Variants in MCM10 observed in about 807,000 individuals in gnomAD.
MCM10 encodes protein MCM10 homolog.
In MCM10, 91 loss-of-function variants were observed where a neutral mutation model predicts 109.9. The observed-to-expected ratio is 0.83, with a 90% CI of 0.70 to 0.99. The LOEUF (loss-of-function observed/expected upper bound fraction) is 0.99, where lower values mean the gene tolerates loss of function less well. Among genes scored for constraint, MCM10 ranks in the 50% least tolerant of loss-of-function variants. The pLI, the probability that MCM10 is intolerant of heterozygous loss-of-function variation, is 0.00. For synonymous variants in MCM10, 380 were observed against 387.2 expected, an observed-to-expected ratio of 0.98 and a Z score of 0.22; for missense variants, 1,077 against 1,061.2, an observed-to-expected ratio of 1.01 and a Z score of -0.21.
chr10:13,163,942 AGCT>A (rs1371388265), intron 1 of MCM10, among the ~76,000 whole-genome samples, 183 bp from the exon 2 acceptor site: 2 of 152,170 alleles, frequency 1.3e-5, no homozygotes, highest in Non-Finnish European at 2.9e-5. Context: ...AGTAAAAGTG[AGCT>A]GCTACATCCA....
intron 11 of MCM10, among the ~76,000 whole-genome samples, 179 bp from the exon 12 acceptor site, chr10:13,192,076 C>G (rs892280603): frequency 3.9e-5 from 6 of 152,038 alleles, no homozygotes; most frequent in Non-Finnish European, 8.8e-5. Context: ...GTCGAGATAC[C>G]CTGCCATCCT....
At chr10:13,180,743 T>C (rs1335020560) in intron 7 of MCM10, 136 bp downstream of exon 7, 7 of 970,120 alleles carry the variant, frequency 7.2e-6, no homozygotes, top group Non-Finnish European at 1.1e-5. Flanking sequence ...TCACCACACA[T>C]CATTGAGTTG....
intron 8 of MCM10, among the ~76,000 whole-genome samples, chr10:13,183,555 A>G (rs1834236596): frequency 6.6e-6 from 1 of 152,168 alleles, no homozygotes; most frequent in Admixed American, 6.5e-5. Flanking sequence ...TTCATTCATT[A>G]CCCATCAGTA....
intron 17 of MCM10, 145 bp from the exon 18 acceptor site, chr10:13,204,074 G>A: frequency 2.5e-6 from 2 of 806,724 alleles, no homozygotes; most frequent in East Asian, 2.7e-5. Flanking sequence ...TGTAGCAAGA[G>A]GCGAAGGTGG....
intron 14 of MCM10, 42 bp from the exon 15 acceptor site, chr10:13,197,581 A>G (rs1464435495): frequency 2.5e-6 from 4 of 1,583,982 alleles, no homozygotes; most frequent in Non-Finnish European, 1.7e-6. Flanking sequence ...TGCCTCTGTC[A>G]TCTTTTAGAT....
intron 2 of MCM10, among the ~76,000 whole-genome samples, chr10:13,164,827 G>A (rs967097466): frequency 6.6e-6 from 1 of 152,116 alleles, no homozygotes; most frequent in Admixed American, 6.5e-5. Flanking sequence ...GGGAGGCCGG[G>A]GTGGGAGGAT....
In MCM10 at chr10:13,198,795, C is replaced by T. The variant is rs1834458274; in HGVS notation, c.2226C>T (p.Gly742=). 2 of 1,610,642 alleles carry T rather than the reference C, an allele frequency of 1.2e-6. No homozygotes were observed. Among genetic ancestry groups the T allele is most frequent in the South Asian group, 1.1e-5 (1 of 91,012 alleles). The change falls in exon 16 of 20, where the codon GGC becomes GGT. Residue 742 remains glycine, a synonymous_variant. Transcript: ENST00000378714. The part of the protein sequence containing the change: ...KILKAKSKHT[G]ILKEAEAEMQ... The stretch of plus-strand genomic sequence containing the variant: ...TAAAAGCAAAATCAAAACACACAGG[C>T]ATCCTGAAAGAGGTAAGAGCCCAAA...
chr10:13,164,084 A>G, intron 1 of MCM10, 44 bp from the exon 2 acceptor site: 1 of 817,028 alleles, frequency 1.2e-6, no homozygotes, highest in East Asian at 2.8e-5. Flanking sequence ...TGTGAGAGAA[A>G]GAGAAGAATT....
At position 13,192,567 on chromosome 10, in the gene MCM10, C is replaced by T. The variant is rs2131579842; in HGVS notation, c.1744C>T (p.Arg582Ter). ...RRRKSEEIQKRFLQSSSEVES... is the reference protein window; with the variant it reads ...RRRKSEEIQK ...AAGGAAATCAGAAGAAATACAGAAGCGGTAAGAGGAGCAGATTTAATATTC... is the reference window on the plus strand; with the variant it reads ...AAGGAAATCAGAAGAAATACAGAAGTGGTAAGAGGAGCAGATTTAATATTC... Residue 582 changes from arginine to a stop codon, truncating the protein, a stop_gained and splice_region_variant, in exon 13 of 20, where the codon CGA (arginine) becomes TGA (stop). Coordinates refer to ENST00000378714, the MANE Select transcript of MCM10 (RefSeq NM_018518.5). LOFTEE classifies it high-confidence loss of function. 1.2e-6 allele frequency: 2 copies of T among 1,613,392 alleles called. No individual in the cohort carries two copies. The highest frequency in any genetic ancestry group is 1.7e-6 in the Non-Finnish European group (2 of 1,179,348).
rs144252747 is a variant in MCM10, at chr10:13,181,437, C to T, written c.930+830C>T. ...ACTAATGCAGGAACAGAAAACCAAACGCTGCATGTTCTCACTTATAAGTGG... is the reference window on the plus strand; with the variant it reads ...ACTAATGCAGGAACAGAAAACCAAATGCTGCATGTTCTCACTTATAAGTGG... On this transcript the variant is annotated intron_variant, in intron 7 of 19. Coordinates refer to ENST00000378714, the MANE Select transcript of MCM10 (RefSeq NM_018518.5). Among the ~76,000 whole-genome samples the T allele has an allele frequency of 4.7e-3, 712 of 152,200 alleles. 4 individuals are homozygous for T. Among genetic ancestry groups the T allele is most frequent in the Non-Finnish European group, 8.4e-3 (574 of 68,018 alleles).
In MCM10 at chr10:13,172,224, C is replaced by G; in HGVS notation, c.350-152C>G. On this transcript the variant is annotated intron_variant, in intron 3 of 19. Coordinates refer to ENST00000378714, the MANE Select transcript of MCM10 (RefSeq NM_018518.5). The surrounding 1 kb of genome is among the most constrained non-coding windows in gnomAD (Gnocchi z 5.2). ...TCTCTAAGAGACCTCTTTGAAGTACCAAAGTTAATCATGAGCTTTGGGTAT... is the reference window on the plus strand; with the variant it reads ...TCTCTAAGAGACCTCTTTGAAGTACGAAAGTTAATCATGAGCTTTGGGTAT... 1 of 635,184 alleles carries G rather than the reference C, an allele frequency of 1.6e-6. No homozygotes were observed. The highest frequency in any genetic ancestry group is 2.8e-6 in the Non-Finnish European group (1 of 352,850). 39.3% of individuals were successfully genotyped at this position (635,184 alleles called of 1,614,324 possible).
At chr10:13,200,109 G>T (rs571481113) in intron 16 of MCM10, among the ~76,000 whole-genome samples, 1 of 152,134 alleles carries the variant, frequency 6.6e-6, no homozygotes. Flanking sequence ...GGGACTACAG[G>T]CGCATCACCA....
chr10:13,177,775 G>A (rs1402447360), intron 6 of MCM10, among the ~76,000 whole-genome samples: 1 of 151,624 alleles, frequency 6.6e-6, no homozygotes, highest in Non-Finnish European at 1.5e-5. Flanking sequence ...AGGCTGAGTG[G>A]GGAAGTCAAG....
intron 2 of MCM10, among the ~76,000 whole-genome samples, chr10:13,170,678 T>TTTTGTTTG (rs747445575): frequency 6.6e-6 from 1 of 151,360 alleles, no homozygotes; most frequent in Non-Finnish European, 1.5e-5. Context: ...TTTTTGTTTT[T>TTTTGTTTG]TTTGTTTGTT....
chr10:13,175,685 A>C lies in MCM10; in HGVS notation c.764+4A>C. The C allele has an allele frequency of 6.3e-7, 1 of 1,592,208 alleles. No individual in the cohort carries two copies. Among genetic ancestry groups the C allele is most frequent in the Non-Finnish European group, 8.6e-7 (1 of 1,167,750 alleles). On this transcript the variant is annotated splice_donor_region_variant and intron_variant, in intron 6 of 19. Transcript: ENST00000378714. ...CCTTCTCTGGTCTGCGGCTCAGGTC[A>C]GTAGCTAAACCATCTATTCATGTGC...
chr10:13,209,088 C>T lies in MCM10; in HGVS notation c.2499-3C>T, dbSNP rs1468602347. On this transcript the variant is annotated splice_polypyrimidine_tract_variant and splice_region_variant and intron_variant, in intron 18 of 19. Transcript: ENST00000378714. ...CTGAGTAAATCCATCTGTTCTGTTT[C>T]AGTAACTGTGGCCTCTACAAATGGG... 2 of 1,610,828 alleles carry T rather than the reference C, an allele frequency of 1.2e-6. No individual in the cohort carries two copies. Among genetic ancestry groups the T allele is most frequent in the Admixed American group, 3.3e-5 (2 of 60,012 alleles).
intron 15 of MCM10, among the ~76,000 whole-genome samples, chr10:13,198,155 G>A (rs925990464): frequency 3.3e-5 from 5 of 151,956 alleles, no homozygotes; most frequent in African/African-American, 4.8e-5. Flanking sequence ...CTCATGATCC[G>A]CCCGCCTTGA....
At chr10:13,189,155 T>C (rs1237889884) in intron 10 of MCM10, 75 bp downstream of exon 10, 1 of 1,469,752 alleles carries the variant, frequency 6.8e-7, no homozygotes, top group Non-Finnish European at 9.5e-7. Context: ...TGTACCTTCC[T>C]GTAACCGTCA....
intron 18 of MCM10, among the ~76,000 whole-genome samples, chr10:13,204,994 G>GTA (rs372986420): frequency 2.4e-5 from 3 of 123,388 alleles, no homozygotes; most frequent in Admixed American, 8.5e-5. Flanking sequence ...ATGTATGTAT[G>GTA]TATGTATGTA....
Sources: allele counts gnomAD v4.1 joint callset (sites outside exome capture counted in the v4.1 genomes callset), GRCh38; gene constraint gnomAD v4.1.1; non-coding constraint Gnocchi (gnomAD v3.1); transcripts MANE v1.5; gene names NCBI Gene and HGNC (gene_info 2026-07-23, HGNC 2026-07-21).